CENPW: variants seen among roughly 807,000 people sequenced by gnomAD.
The protein encoded by CENPW is centromere protein W.
Under a neutral mutation model 11.1 loss-of-function variants are expected in CENPW, and 3 were observed. The observed-to-expected ratio is 0.27, with a 90% confidence interval of 0.12 to 0.70. The LOEUF (loss-of-function observed/expected upper bound fraction) is 0.70. Ranked by LOEUF, CENPW falls within the 30% of genes least tolerant of loss-of-function variation. The pLI, the probability that CENPW is intolerant of heterozygous loss-of-function variation, is 0.77. For synonymous variants in CENPW, 38 were observed against 42.0 expected (o/e 0.91, Z 0.37); for missense variants, 100 against 105.6 (o/e 0.95, Z 0.23).
At chr6:126,397,104 C>A in the CENPW span, among the ~76,000 whole-genome samples, 3 of 152,012 alleles carry the variant, frequency 2.0e-5, no homozygotes, top group African/African-American at 7.2e-5. Context: ...ACTCCAAGCC[C>A]AGCACAGCAC....
the CENPW span, among the ~76,000 whole-genome samples, chr6:126,386,302 C>T: frequency 6.6e-6 from 1 of 151,982 alleles, no homozygotes; most frequent in Non-Finnish European, 1.5e-5. Flanking sequence ...AGTTATAACA[C>T]AAACTCCCCA....
chr6:126,371,402 A>G, the CENPW span, among the ~76,000 whole-genome samples: 2 of 152,170 alleles, frequency 1.3e-5, no homozygotes, highest in East Asian at 1.9e-4. Flanking sequence ...ATTGAATTGC[A>G]TATGCTAAAC....
intron 1 of CENPW, among the ~76,000 whole-genome samples, chr6:126,345,520 C>T (rs1780391223): frequency 6.6e-6 from 1 of 152,002 alleles, no homozygotes; most frequent in Non-Finnish European, 1.5e-5. Flanking sequence ...CTTTACCCAG[C>T]TTTCCACAAT....
chr6:126,428,008 A>G, the CENPW span, among the ~76,000 whole-genome samples: 1 of 152,234 alleles, frequency 6.6e-6, no homozygotes, highest in Non-Finnish European at 1.5e-5. Context: ...CACCTCTCCT[A>G]ACGAAATTAC....
the CENPW span, among the ~76,000 whole-genome samples, chr6:126,409,125 T>C: frequency 2.2e-4 from 34 of 152,180 alleles, no homozygotes; most frequent in South Asian, 6.2e-4. Context: ...TTGCTATATC[T>C]CATAGGTTTA....
the CENPW span, among the ~76,000 whole-genome samples, chr6:126,371,285 T>C: frequency 6.6e-6 from 1 of 152,142 alleles, no homozygotes; most frequent in Non-Finnish European, 1.5e-5. Flanking sequence ...TTACTGAGGG[T>C]TTTAATCATA....
intron 1 of CENPW, among the ~76,000 whole-genome samples, chr6:126,344,129 T>G (rs1234086997): frequency 6.6e-6 from 1 of 152,224 alleles, no homozygotes; most frequent in Non-Finnish European, 1.5e-5. Flanking sequence ...TAAGGGACAC[T>G]GGGGATACAG....
chr6:126,470,884 G>C, the CENPW span, among the ~76,000 whole-genome samples: 1 of 152,226 alleles, frequency 6.6e-6, no homozygotes, highest in Non-Finnish European at 1.5e-5. Flanking sequence ...CATTTGTAAT[G>C]AGAACATTTA....
the CENPW span, among the ~76,000 whole-genome samples, chr6:126,465,960 T>C: frequency 6.6e-6 from 1 of 152,070 alleles, no homozygotes; most frequent in African/African-American, 2.4e-5. Flanking sequence ...ATGTAAAACC[T>C]AAAACACAAA....
the CENPW span, among the ~76,000 whole-genome samples, chr6:126,391,398 G>T: frequency 6.6e-6 from 1 of 151,718 alleles, no homozygotes; most frequent in Admixed American, 6.6e-5. Flanking sequence ...AGTTGACAAA[G>T]ATTTTCTCCA....
the CENPW span, among the ~76,000 whole-genome samples, chr6:126,394,282 A>C: frequency 3.3e-5 from 5 of 150,392 alleles, no homozygotes; most frequent in East Asian, 9.9e-4. Context: ...CTTGCTTTTT[A>C]TTTTTTGTCT....
the CENPW span, among the ~76,000 whole-genome samples, chr6:126,439,869 A>G: frequency 6.6e-6 from 1 of 151,604 alleles, no homozygotes; most frequent in Non-Finnish European, 1.5e-5. Context: ...TAAACCATTC[A>G]TCCATAACTT....
chr6:126,425,749 AGTT>A, the CENPW span, among the ~76,000 whole-genome samples: 7 of 151,784 alleles, frequency 4.6e-5, no homozygotes, highest in African/African-American at 1.7e-4. Flanking sequence ...TCTGTACACT[AGTT>A]CTTTCCTAGT....
chr6:126,389,772 G>A, the CENPW span, among the ~76,000 whole-genome samples: 85 of 151,816 alleles, frequency 5.6e-4, no homozygotes, highest in African/African-American at 2.0e-3. Context: ...CTAATTCAGT[G>A]TACATAAATA....
At chr6:126,395,045 T>C in the CENPW span, among the ~76,000 whole-genome samples, 1 of 152,114 alleles carries the variant, frequency 6.6e-6, no homozygotes. Flanking sequence ...TTTGGTGTTC[T>C]ATAACCTTCT....
At chr6:126,439,128 G>C in the CENPW span, among the ~76,000 whole-genome samples, 1 of 151,662 alleles carries the variant, frequency 6.6e-6, no homozygotes, top group Non-Finnish European at 1.5e-5. Context: ...AGAACAATCT[G>C]ATACTGGCAG....
chr6:126,413,589 C>T, the CENPW span, among the ~76,000 whole-genome samples: 2 of 151,772 alleles, frequency 1.3e-5, no homozygotes, highest in African/African-American at 2.4e-5. Flanking sequence ...TTCAAAGTAG[C>T]CCTGTATCTA....
the CENPW span, among the ~76,000 whole-genome samples, chr6:126,411,628 G>A: frequency 4.6e-5 from 7 of 152,058 alleles, no homozygotes; most frequent in South Asian, 2.1e-4. Context: ...ACTCAGGCCC[G>A]TTGACCAGGT....
the CENPW span, among the ~76,000 whole-genome samples, chr6:126,437,034 C>G: frequency 6.7e-6 from 1 of 149,622 alleles, no homozygotes; most frequent in Non-Finnish European, 1.5e-5. Flanking sequence ...TTTTTTCATT[C>G]ATAGGGTGTG....
Sources: gnomAD v4.1 joint callset for allele counts (sites outside exome capture counted in the v4.1 genomes callset) on GRCh38, gnomAD v4.1.1 for gene constraint, MANE v1.5 for transcripts, NCBI Gene and HGNC (gene_info 2026-07-23, HGNC 2026-07-21) for gene names.